Variants in VPS13B observed in about 807,000 individuals in gnomAD.
VPS13B encodes vacuolar protein sorting 13 homolog B, also known as intermembrane lipid transfer protein VPS13B.
VPS13B carries 285 observed loss-of-function variants against 426.4 expected under a neutral mutation model. The observed-to-expected ratio is 0.67, with a 90% CI of 0.61 to 0.74. The LOEUF (loss-of-function observed/expected upper bound fraction) is 0.74, where lower values mean the gene tolerates loss of function less well. Ranked by LOEUF, VPS13B falls within the 30% of genes least tolerant of loss-of-function variation. The pLI is 0.00. For missense variants in VPS13B, 4,537 were observed against 4,782.6 expected, an observed-to-expected ratio of 0.95 and a Z score of 1.51; for synonymous variants, 1,676 against 1,676.4, an observed-to-expected ratio of 1.00 and a Z score of 0.01.
At chr8:99,113,034 C>T (rs1400832444) in intron 6 of VPS13B, among the ~76,000 whole-genome samples, 1 of 151,398 alleles carries the variant, frequency 6.6e-6, no homozygotes, top group East Asian at 1.9e-4. Flanking sequence ...CTCCCCTCCT[C>T]TCCCTCTCCC....
intron 19 of VPS13B, among the ~76,000 whole-genome samples, chr8:99,317,166 A>T (rs1370619917): frequency 1.3e-5 from 2 of 152,194 alleles, no homozygotes; most frequent in Admixed American, 1.3e-4. Context: ...GTTATCCCAG[A>T]TCTGGCAAGC....
intron 40 of VPS13B, among the ~76,000 whole-genome samples, chr8:99,772,408 C>T (rs1181655473): frequency 6.6e-6 from 1 of 151,772 alleles, no homozygotes; most frequent in Non-Finnish European, 1.5e-5. Context: ...CATGAGATCC[C>T]AAGAGTAGTC....
At chr8:99,715,028 G>A (rs1469951870) in intron 36 of VPS13B, among the ~76,000 whole-genome samples, 1 of 151,856 alleles carries the variant, frequency 6.6e-6, no homozygotes. Context: ...AGGGTGTACA[G>A]GAACATTATA....
chr8:99,314,316 C>T (rs566601900), intron 19 of VPS13B, among the ~76,000 whole-genome samples: 9 of 152,134 alleles, frequency 5.9e-5, no homozygotes, highest in African/African-American at 2.2e-4. Context: ...GAACCACCCC[C>T]GAGACTTGTT....
At chr8:99,609,743 T>G (rs1827762009) in intron 33 of VPS13B, among the ~76,000 whole-genome samples, 1 of 152,214 alleles carries the variant, frequency 6.6e-6, no homozygotes, top group South Asian at 2.1e-4. Flanking sequence ...TTTTTGCTGT[T>G]TCATTAAGAA....
At chr8:99,364,649 T>A (rs1277088070) in intron 19 of VPS13B, among the ~76,000 whole-genome samples, 1 of 152,092 alleles carries the variant, frequency 6.6e-6, no homozygotes, top group African/African-American at 2.4e-5. Flanking sequence ...CCCAGGCTGG[T>A]CTTGAACTCA....
At chr8:99,053,613 T>G (rs539889027) in intron 3 of VPS13B, among the ~76,000 whole-genome samples, 14 of 152,266 alleles carry the variant, frequency 9.2e-5, no homozygotes, top group Admixed American at 8.5e-4. Flanking sequence ...CTTATTTCAC[T>G]TAGCACAGTG....
At chr8:99,423,850 T>G (rs1422309158) in intron 21 of VPS13B, among the ~76,000 whole-genome samples, 1 of 152,194 alleles carries the variant, frequency 6.6e-6, no homozygotes, top group Non-Finnish European at 1.5e-5. Flanking sequence ...AGTTTTGGAA[T>G]AGGTGTGGTG....
chr8:99,159,106 C>G (rs1412088667), intron 15 of VPS13B, among the ~76,000 whole-genome samples: 1 of 152,142 alleles, frequency 6.6e-6, no homozygotes, highest in African/African-American at 2.4e-5. Context: ...TCATGGATTA[C>G]TTTGAGGGGT....
chr8:99,333,984 T>C (rs73287828), intron 19 of VPS13B, among the ~76,000 whole-genome samples: 2,565 of 152,050 alleles, frequency 0.017, 65 homozygotes, highest in African/African-American at 0.059. Context: ...TGGACTTCTG[T>C]ATTGTTTCTA....
intron 19 of VPS13B, among the ~76,000 whole-genome samples, chr8:99,365,516 C>CTTCTTTTTTTTTTTTTT (rs71273182): frequency 4.9e-5 from 5 of 102,412 alleles, no homozygotes; most frequent in Non-Finnish European, 7.3e-5. Flanking sequence ...TCTTCTTCTT[C>CTTCTTTTTTTTTTTTTT]TTTTTTTTTT....
chr8:99,585,264 G>A (rs533089140), intron 33 of VPS13B, among the ~76,000 whole-genome samples: 1 of 152,268 alleles, frequency 6.6e-6, no homozygotes, highest in East Asian at 1.9e-4. Context: ...GAGCAGTTGG[G>A]AACCAAAGTT....
intron 23 of VPS13B, among the ~76,000 whole-genome samples, chr8:99,443,513 C>T (rs1817773066): frequency 6.6e-6 from 1 of 151,890 alleles, no homozygotes; most frequent in Non-Finnish European, 1.5e-5. Flanking sequence ...CATTTTTGGT[C>T]CTTAATAACA....
chr8:99,804,903 C>G (rs1813310082), intron 43 of VPS13B, among the ~76,000 whole-genome samples: 1 of 151,948 alleles, frequency 6.6e-6, no homozygotes, highest in Non-Finnish European at 1.5e-5. Context: ...GAGGCTGAGG[C>G]AGGAAGATCA....
intron 21 of VPS13B, among the ~76,000 whole-genome samples, chr8:99,416,515 G>T (rs1035438136): frequency 5.9e-5 from 9 of 152,172 alleles, no homozygotes. Context: ...TGGCCACCCA[G>T]TTTTGTGCTT....
chr8:99,644,835 A>T (rs2133936500), intron 34 of VPS13B, among the ~76,000 whole-genome samples: 1 of 152,344 alleles, frequency 6.6e-6, no homozygotes, highest in South Asian at 2.1e-4. Context: ...GGCTAAAAAT[A>T]AAATTCAACT....
chr8:99,777,058 C>CGA (rs1811776991), intron 41 of VPS13B, 102 bp downstream of exon 41: 1 of 1,442,958 alleles, frequency 6.9e-7, no homozygotes, highest in South Asian at 1.2e-5. Flanking sequence ...AATGTATTTT[C>CGA]AGGAAGTATA....
At chr8:99,047,362 G>T (rs952886916) in intron 3 of VPS13B, among the ~76,000 whole-genome samples, 1 of 152,040 alleles carries the variant, frequency 6.6e-6, no homozygotes, top group Non-Finnish European at 1.5e-5. Flanking sequence ...TTTCTGTCTT[G>T]TCCGTTGTAA....
At chr8:99,120,808 T>G (rs1847896897) in intron 7 of VPS13B, among the ~76,000 whole-genome samples, 1 of 152,172 alleles carries the variant, frequency 6.6e-6, no homozygotes, top group African/African-American at 2.4e-5. Flanking sequence ...AGTCAGTTTT[T>G]CAATATATCA....
Sources: gnomAD v4.1 joint callset for allele counts (sites outside exome capture counted in the v4.1 genomes callset) on GRCh38, gnomAD v4.1.1 for gene constraint, MANE v1.5 for transcripts, NCBI Gene and HGNC (gene_info 2026-07-23, HGNC 2026-07-21) for gene names.